The following KCNQ5 variants were observed in gnomAD, a reference collection of about 807,000 sequenced individuals.
KCNQ5 encodes the protein potassium voltage-gated channel subfamily Q member 5.
In KCNQ5, 30 loss-of-function variants were observed where a neutral mutation model predicts 98.2. The ratio of observed to expected loss-of-function variants is 0.31; its 90% CI spans 0.23 to 0.41. The LOEUF (loss-of-function observed/expected upper bound fraction) is 0.41, where lower values mean the gene tolerates loss of function less well. Ranked by LOEUF, KCNQ5 falls within the 10% of genes least tolerant of loss-of-function variation. KCNQ5 has a pLI of 1.00. For synonymous variants in KCNQ5, 458 were observed against 449.4 expected, an observed-to-expected ratio of 1.02 and a Z score of -0.24; for missense variants, 835 against 1,182.5, an observed-to-expected ratio of 0.71 and a Z score of 4.31.
At chr6:72,727,820 T>C (rs1210817303) in intron 1 of KCNQ5, among the ~76,000 whole-genome samples, 2 of 152,186 alleles carry the variant, frequency 1.3e-5, no homozygotes, top group Non-Finnish European at 2.9e-5. Context: ...CTAGGTCTAC[T>C]GCACCTTGAT....
chr6:72,986,934 TG>T, intron 1 of KCNQ5: 1 of 857,736 alleles, frequency 1.2e-6, no homozygotes, highest in Non-Finnish European at 1.9e-6. Context: ...CAGGCAGCCT[TG>T]GGGCAGATAA....
chr6:72,939,168 G>C (rs1214398165), intron 1 of KCNQ5, among the ~76,000 whole-genome samples: 2 of 152,150 alleles, frequency 1.3e-5, no homozygotes, highest in African/African-American at 4.8e-5. Flanking sequence ...GTGGAAGCTG[G>C]GTTGAGGAGG....
At chr6:73,004,801 C>T (rs1463886182) in intron 2 of KCNQ5, among the ~76,000 whole-genome samples, 1 of 152,122 alleles carries the variant, frequency 6.6e-6, no homozygotes, top group Non-Finnish European at 1.5e-5. Context: ...GAACTACAAA[C>T]TGGAACAGCT....
At chr6:72,722,638 T>C (rs1196789248) in intron 1 of KCNQ5, among the ~76,000 whole-genome samples, 1 of 152,148 alleles carries the variant, frequency 6.6e-6, no homozygotes, top group African/African-American at 2.4e-5. Context: ...TTCACACATG[T>C]GGCAATCATG....
At chr6:73,113,128 G>A (rs183197840) in intron 7 of KCNQ5, among the ~76,000 whole-genome samples, 21 of 152,262 alleles carry the variant, frequency 1.4e-4, no homozygotes, top group Admixed American at 1.4e-3. Flanking sequence ...ATACCCCAAG[G>A]TCCAGAATTC....
chr6:72,955,520 G>A (rs1233949981), intron 1 of KCNQ5, among the ~76,000 whole-genome samples: 2 of 152,074 alleles, frequency 1.3e-5, no homozygotes, highest in South Asian at 2.1e-4. Flanking sequence ...ATAACTATAA[G>A]TAGGAACTTT....
At chr6:72,955,439 G>C (rs922215189) in intron 1 of KCNQ5, among the ~76,000 whole-genome samples, 1 of 152,080 alleles carries the variant, frequency 6.6e-6, no homozygotes, top group Admixed American at 6.5e-5. Flanking sequence ...TGGTAATTTT[G>C]TTCTTTTGCC....
intron 1 of KCNQ5, among the ~76,000 whole-genome samples, chr6:72,720,728 T>C (rs1311061633): frequency 6.6e-6 from 1 of 152,232 alleles, no homozygotes; most frequent in East Asian, 1.9e-4. Flanking sequence ...TTAGTTTGTC[T>C]CGTCTTCTTA....
At chr6:72,843,503 T>G (rs1032974876) in intron 1 of KCNQ5, among the ~76,000 whole-genome samples, 4 of 152,310 alleles carry the variant, frequency 2.6e-5, no homozygotes, top group East Asian at 1.9e-4. Context: ...AGTGTAGTTT[T>G]TTCCAATTCT....
chr6:73,147,572 T>A (rs1429372132), intron 10 of KCNQ5, among the ~76,000 whole-genome samples: 1 of 152,172 alleles, frequency 6.6e-6, no homozygotes. Context: ...GTGGAAATAC[T>A]GCCTTTGTCA....
chr6:72,977,610 G>GCCA (rs1768217143), intron 1 of KCNQ5, among the ~76,000 whole-genome samples: 1 of 152,160 alleles, frequency 6.6e-6, no homozygotes, highest in Non-Finnish European at 1.5e-5. Flanking sequence ...TTGGCTTGAT[G>GCCA]ACTTTAGGGG....
chr6:72,838,420 A>G (rs1220732778), intron 1 of KCNQ5, among the ~76,000 whole-genome samples: 1 of 152,152 alleles, frequency 6.6e-6, no homozygotes, highest in Admixed American at 6.5e-5. Context: ...GCTGTGTCTA[A>G]TGTATATAAA....
intron 1 of KCNQ5, among the ~76,000 whole-genome samples, chr6:72,703,258 C>T (rs1266572253): frequency 1.3e-5 from 2 of 152,226 alleles, no homozygotes; most frequent in Non-Finnish European, 2.9e-5. Flanking sequence ...CTTATCTTTG[C>T]CCATGCTGCT....
At chr6:72,800,399 T>C (rs1357276657) in intron 1 of KCNQ5, among the ~76,000 whole-genome samples, 2 of 152,238 alleles carry the variant, frequency 1.3e-5, no homozygotes, top group Admixed American at 1.3e-4. Flanking sequence ...CTAGATTTTC[T>C]AGTTTATTTG....
At chr6:73,098,212 T>A (rs1774601742) in intron 5 of KCNQ5, among the ~76,000 whole-genome samples, 1 of 151,838 alleles carries the variant, frequency 6.6e-6, no homozygotes, top group Non-Finnish European at 1.5e-5. Flanking sequence ...GACAGGCTAT[T>A]TAAAAATACA....
At chr6:72,972,756 T>C (rs1312584466) in intron 1 of KCNQ5, among the ~76,000 whole-genome samples, 1 of 152,158 alleles carries the variant, frequency 6.6e-6, no homozygotes, top group East Asian at 1.9e-4. Context: ...AAATTGTTCT[T>C]CCACTAAATT....
intron 1 of KCNQ5, among the ~76,000 whole-genome samples, chr6:72,700,961 C>T (rs1418834795): frequency 2.6e-5 from 4 of 152,174 alleles, no homozygotes; most frequent in Non-Finnish European, 4.4e-5. Context: ...AAGAGCAATT[C>T]ACATAGTTTT....
chr6:72,948,485 A>G (rs1023840595), intron 1 of KCNQ5, among the ~76,000 whole-genome samples: 1 of 152,104 alleles, frequency 6.6e-6, no homozygotes, highest in Non-Finnish European at 1.5e-5. Flanking sequence ...AGGAAAAGAA[A>G]AAAAAATCTT....
intron 1 of KCNQ5, among the ~76,000 whole-genome samples, chr6:72,978,007 A>C (rs2150292821): frequency 6.6e-6 from 1 of 152,302 alleles, no homozygotes; most frequent in East Asian, 1.9e-4. Context: ...TAAAGTAGTT[A>C]ATAAGATACA....
Sources: gnomAD v4.1 joint callset for allele counts (sites outside exome capture counted in the v4.1 genomes callset) on GRCh38, gnomAD v4.1.1 for gene constraint, MANE v1.5 for transcripts, NCBI Gene and HGNC (gene_info 2026-07-23, HGNC 2026-07-21) for gene names.